PIAS4: variants seen among roughly 807,000 people sequenced by gnomAD.
PIAS4 encodes E3 SUMO-protein ligase PIAS4.
In PIAS4, 7 loss-of-function variants were observed where a neutral mutation model predicts 58.0. That is an observed-to-expected ratio of 0.12 (90% CI 0.07 to 0.23). The LOEUF is 0.23. PIAS4 is among the 10% of genes least tolerant of loss of function. The pLI is 1.00. For synonymous variants in PIAS4, 364 were observed against 312.4 expected, an observed-to-expected ratio of 1.17 and a Z score of -1.74; for missense variants, 550 against 709.5, an observed-to-expected ratio of 0.78 and a Z score of 2.55.
rs1332602109 is a variant in PIAS4, at chr19:4,019,317, C to CA, written c.455-4718dup. Among the ~76,000 whole-genome samples, 7 of 152,290 alleles carry CA rather than the reference C, an allele frequency of 4.6e-5. No individual in the cohort carries two copies. The East Asian group carries it at 1.4e-3, about 29-fold the overall frequency. On this transcript the variant is annotated intron_variant, in intron 2 of 10. Transcript: ENST00000262971. ...AGCAGTGAGAGCACAGGGCACCTCCCAGGCCCCCAGCAGAGAAGCACAGCC... is the reference window on the plus strand; with the variant it reads ...AGCAGTGAGAGCACAGGGCACCTCCCAAGGCCCCCAGCAGAGAAGCACAGCC...
chr19:4,033,691 G>A, intron 9 of PIAS4, 111 bp downstream of exon 9: 2 of 897,002 alleles, frequency 2.2e-6, no homozygotes, highest in Non-Finnish European at 1.7e-6. Context: ...CAGCAGTGGG[G>A]GCACATGGTC....
Position 4,037,411 on chromosome 19 carries a change from G to A in PIAS4, c.1180G>A (p.Asp394Asn), listed in dbSNP as rs1568223334. The A allele has an allele frequency of 9.3e-6, 15 of 1,610,760 alleles. No individual in the cohort carries two copies. The highest frequency in any genetic ancestry group is 1.1e-5 in the Non-Finnish European group (13 of 1,178,630). The change falls in exon 10 of 11, where the codon GAC becomes AAC. Residue 394 changes from aspartate to asparagine, a missense_variant. Physicochemically the swap from Asp to Asn is conservative, Grantham distance 23 (BLOSUM62 1). This residue lies in a region of PIAS4 where 188 missense variants were observed against 192.0 expected (regional missense o/e 0.98). Coordinates refer to ENST00000262971, the MANE Select transcript of PIAS4 (RefSeq NM_015897.4). This position sits in a 1 kb window ranked among gnomAD's most constrained non-coding sequence, Gnocchi z 5.8. The part of the protein sequence containing the change: ...SKILSECEDA[D>N]EIEYLVDGSW... ...GATCCTGAGCGAGTGTGAGGACGCC[G>A]ACGAGATCGAGTACCTGGTGGACGG...
chr19:4,010,056 C>G (rs2039977888), intron 1 of PIAS4, among the ~76,000 whole-genome samples: 1 of 152,198 alleles, frequency 6.6e-6, no homozygotes, highest in Non-Finnish European at 1.5e-5. Context: ...TCCAGGCAAG[C>G]CTGGAGTTGA....
intron 7 of PIAS4, among the ~76,000 whole-genome samples, chr19:4,029,798 C>T (rs1168321659): frequency 6.7e-6 from 1 of 149,712 alleles, no homozygotes; most frequent in East Asian, 2.0e-4. Flanking sequence ...GTGTTCACCA[C>T]CACACCCAAC....
chr19:4,036,163 C>T (rs62647667), intron 9 of PIAS4, among the ~76,000 whole-genome samples: 47,401 of 67,142 alleles, frequency 0.71, 15,590 homozygotes, highest in East Asian at 0.81. Flanking sequence ...CACCGTCATA[C>T]AAACACACAC....
At chr19:4,033,678 A>G in intron 9 of PIAS4, 98 bp downstream of exon 9, 1 of 1,018,286 alleles carries the variant, frequency 9.8e-7, no homozygotes, top group Non-Finnish European at 1.4e-6. Flanking sequence ...CCCCAGCAAG[A>G]CACAGCAGTG....
At chr19:4,014,805 G>T (rs908763673) in intron 2 of PIAS4, among the ~76,000 whole-genome samples, 16 of 152,254 alleles carry the variant, frequency 1.1e-4, no homozygotes, top group African/African-American at 3.9e-4. Context: ...TGCCCAGGGA[G>T]GCAGCGTTGA....
At chr19:4,029,174 C>G (rs984289747) in intron 7 of PIAS4, 138 bp downstream of exon 7, 5 of 650,554 alleles carry the variant, frequency 7.7e-6, no homozygotes, top group African/African-American at 1.8e-5. Flanking sequence ...TCCATGGCCC[C>G]CCGGCTGTGG....
chr19:4,015,133 C>G (rs2040039025), intron 2 of PIAS4, among the ~76,000 whole-genome samples: 1 of 152,206 alleles, frequency 6.6e-6, no homozygotes, highest in Admixed American at 6.5e-5. Context: ...ATCGGACTGA[C>G]TTTCCCAGCC....
At chr19:4,030,504 A>G (rs1234754707) in intron 7 of PIAS4, among the ~76,000 whole-genome samples, 1 of 151,966 alleles carries the variant, frequency 6.6e-6, no homozygotes, top group Non-Finnish European at 1.5e-5. Context: ...CTGTAGTCCC[A>G]GCTACTCGGG....
intron 2 of PIAS4, among the ~76,000 whole-genome samples, chr19:4,022,478 T>G (rs1327058842): frequency 1.3e-5 from 2 of 152,070 alleles, no homozygotes; most frequent in Non-Finnish European, 2.9e-5. Flanking sequence ...GCCATTCTCC[T>G]GCCTCAGCCT....
chr19:4,007,889 G>A (rs2039958212), intron 1 of PIAS4, 102 bp downstream of exon 1: 2 of 920,412 alleles, frequency 2.2e-6, no homozygotes, highest in African/African-American at 1.7e-5. Flanking sequence ...CCCACAGCGC[G>A]GCCGGCCCGC....
At chr19:4,009,815 G>T (rs2039975980) in intron 1 of PIAS4, among the ~76,000 whole-genome samples, 1 of 152,154 alleles carries the variant, frequency 6.6e-6, no homozygotes, top group South Asian at 2.1e-4. Context: ...CGAATGTTGG[G>T]GGTTTGTTGG....
Position 4,037,525 on chromosome 19 carries a change from G to A in PIAS4, c.1273+21G>A. 6.2e-7 allele frequency: 1 copy of A among 1,609,066 alleles called. No individual in the cohort carries two copies. The highest frequency in any genetic ancestry group is 2.2e-5 in the East Asian group (1 of 44,870). On this transcript the variant is annotated intron_variant, in intron 10 of 10. Coordinates refer to ENST00000262971, the MANE Select transcript of PIAS4 (RefSeq NM_015897.4). The surrounding 1 kb of genome is among the most constrained non-coding windows in gnomAD (Gnocchi z 5.8). ...GCTGGGTGAGTGCCTCACCCCACCAGCCGCGCAGTCCGCAGCCAGGGCCGC... is the reference window on the plus strand; with the variant it reads ...GCTGGGTGAGTGCCTCACCCCACCAACCGCGCAGTCCGCAGCCAGGGCCGC...
rs573158196 is a variant in PIAS4 at position 4,037,014 on chromosome 19, C to T, written c.1143-360C>T. On this transcript the variant is annotated intron_variant, in intron 9 of 10. Coordinates refer to ENST00000262971, the MANE Select transcript of PIAS4 (RefSeq NM_015897.4). This position sits in a 1 kb window ranked among gnomAD's most constrained non-coding sequence, Gnocchi z 5.8. Reference sequence around the variant, plus strand: ...ACATGCACAGATACACTCACGTCCACACACGCTCAAACATGCGTGCACACC... The same window carrying T: ...ACATGCACAGATACACTCACGTCCATACACGCTCAAACATGCGTGCACACC... Among the ~76,000 whole-genome samples the T allele has an allele frequency of 9.2e-5, 14 of 151,942 alleles. No individual in the cohort carries two copies. Among genetic ancestry groups the T allele is most frequent in the African/African-American group, 3.4e-4 (14 of 41,550 alleles).
rs1305069936 is a variant in PIAS4, at chr19:4,037,291, T to A, written c.1143-83T>A. The A allele has an allele frequency of 2.0e-6, 3 of 1,478,864 alleles. No homozygotes were observed. The highest frequency in any genetic ancestry group is 1.8e-6 in the Non-Finnish European group (2 of 1,112,984). 91.6% of individuals were successfully genotyped at this position (1,478,864 alleles called of 1,614,324 possible). On this transcript the variant is annotated intron_variant, in intron 9 of 10. Transcript: ENST00000262971. The surrounding 1 kb of genome is among the most constrained non-coding windows in gnomAD (Gnocchi z 5.8). ...CAGAGAGAAGTGGGGAGTGCCTGGCTGCATCCGGGAGGGATGGAGGGCTGG... is the reference window on the plus strand; with the variant it reads ...CAGAGAGAAGTGGGGAGTGCCTGGCAGCATCCGGGAGGGATGGAGGGCTGG...
At position 4,025,688 on chromosome 19, in the gene PIAS4, C is replaced by CGTCTTTCTCAGCCGT. The variant is rs6146449; in HGVS notation, c.539+1573_539+1574insTCTCAGCCGTGTCTT. Among the ~76,000 whole-genome samples, 10 of 151,770 alleles carry CGTCTTTCTCAGCCGT rather than the reference C, an allele frequency of 6.6e-5. No homozygotes were observed. In the South Asian group the frequency reaches 2.1e-3, roughly 32 times the overall value. On this transcript the variant is annotated intron_variant, in intron 3 of 10. Transcript: ENST00000262971. ...GTGGCGACCTCGTCTTTCTCAGCCT[C>CGTCTTTCTCAGCCGT]GTCTTCCTTGTCTATGTACCTGGGT... is the stretch of plus-strand genomic sequence containing the variant.
rs1299730932 is a variant in PIAS4, at chr19:4,038,704, C to G, written c.*829C>G. On this transcript the variant is annotated 3_prime_UTR_variant, in exon 11 of 11. Transcript: ENST00000262971. The surrounding 1 kb of genome is among the most constrained non-coding windows in gnomAD (Gnocchi z 4.1). ...CCCTACGGAACAGCACAGATGTCCA[C>G]AGATGTCCACAGCTGCCGCCGCCGC... The G allele has an allele frequency of 6.5e-6, 1 of 154,242 alleles. No homozygotes were observed. The highest frequency in any genetic ancestry group is 1.4e-5 in the Non-Finnish European group (1 of 69,090). The allele number at this position is 154,242 out of a possible 1,614,324, so 9.6% of individuals were successfully genotyped here.
At chr19:4,028,904 G>A in intron 6 of PIAS4, 27 bp from the exon 7 acceptor site, 4 of 1,523,478 alleles carry the variant, frequency 2.6e-6, no homozygotes, top group African/African-American at 1.4e-5. Flanking sequence ...CGTCCTGCCA[G>A]CCCTGACCCC....
Sources: gnomAD v4.1 joint callset for allele counts (sites outside exome capture counted in the v4.1 genomes callset) on GRCh38, gnomAD v4.1.1 for gene constraint, gnomAD v4.1.1 regional missense constraint, Gnocchi (gnomAD v3.1) non-coding constraint, MANE v1.5 for transcripts, NCBI Gene and HGNC (gene_info 2026-07-23, HGNC 2026-07-21) for gene names.